DGKI: variants seen among roughly 807,000 people sequenced by gnomAD.
DGKI encodes the protein DAG kinase iota.
DGKI carries 55 observed loss-of-function variants against 147.5 expected under a neutral mutation model. The ratio of observed to expected loss-of-function variants is 0.37; its 90% CI spans 0.30 to 0.47. The LOEUF (loss-of-function observed/expected upper bound fraction) is 0.47, where lower values mean the gene tolerates loss of function less well. Ranked by LOEUF, DGKI falls within the 20% of genes least tolerant of loss-of-function variation. The pLI, the probability that DGKI is intolerant of heterozygous loss-of-function variation, is 1.00. For synonymous variants in DGKI, 469 were observed against 477.1 expected, an observed-to-expected ratio of 0.98 and a Z score of 0.22; for missense variants, 1,007 against 1,323.8, an observed-to-expected ratio of 0.76 and a Z score of 3.71.
intron 28 of DGKI, among the ~76,000 whole-genome samples, chr7:137,428,093 A>C (rs1812898327): frequency 6.8e-6 from 1 of 146,284 alleles, no homozygotes; most frequent in East Asian, 2.0e-4. Flanking sequence ...GCAGAGACAC[A>C]ACCAAAAAAG....
intron 32 of DGKI, among the ~76,000 whole-genome samples, chr7:137,393,664 C>A (rs1269244640): frequency 6.6e-6 from 1 of 152,194 alleles, no homozygotes; most frequent in African/African-American, 2.4e-5. Context: ...ACCTAATTAT[C>A]TGCCATTTGA....
At chr7:137,530,873 G>T (rs1285702974) in intron 20 of DGKI, among the ~76,000 whole-genome samples, 1 of 152,072 alleles carries the variant, frequency 6.6e-6, no homozygotes. Context: ...ATCGAGTTGA[G>T]CCTCTGGCTT....
intron 1 of DGKI, among the ~76,000 whole-genome samples, chr7:137,763,567 T>A (rs1448985548): frequency 1.3e-5 from 2 of 152,262 alleles, no homozygotes; most frequent in African/African-American, 2.4e-5. Context: ...GATTCTCTCA[T>A]CTACAGTGTG....
intron 27 of DGKI, among the ~76,000 whole-genome samples, chr7:137,458,301 G>C (rs916228159): frequency 1.3e-5 from 2 of 152,110 alleles, no homozygotes; most frequent in Admixed American, 6.5e-5. Flanking sequence ...GCAGCTGATC[G>C]GGTACCAGAT....
intron 10 of DGKI, among the ~76,000 whole-genome samples, chr7:137,607,590 T>C (rs760243077): frequency 1.3e-5 from 2 of 152,174 alleles, no homozygotes; most frequent in Non-Finnish European, 2.9e-5. Flanking sequence ...TGGACTGTCA[T>C]GACAAAATAT....
intron 1 of DGKI, among the ~76,000 whole-genome samples, chr7:137,787,374 A>G (rs2116911806): frequency 6.6e-6 from 1 of 152,344 alleles, no homozygotes; most frequent in African/African-American, 2.4e-5. Context: ...AATGCTCAGC[A>G]TCACTAATTA....
chr7:137,737,378 T>C (rs915383905), intron 1 of DGKI, among the ~76,000 whole-genome samples: 1 of 152,076 alleles, frequency 6.6e-6, no homozygotes, highest in Non-Finnish European at 1.5e-5. Flanking sequence ...GAATCTGCAT[T>C]CTATTCATAA....
At chr7:137,702,896 A>T (rs1162012287) in intron 1 of DGKI, among the ~76,000 whole-genome samples, 1 of 152,202 alleles carries the variant, frequency 6.6e-6, no homozygotes, top group Non-Finnish European at 1.5e-5. Context: ...GTGGCCTAAG[A>T]TGATGATAAC....
intron 30 of DGKI, among the ~76,000 whole-genome samples, chr7:137,407,399 G>A (rs547914773): frequency 6.6e-5 from 10 of 152,122 alleles, no homozygotes; most frequent in East Asian, 3.9e-4. Context: ...AGAATAAAGC[G>A]TAACTTGGGT....
chr7:137,545,314 G>A (rs956126168), intron 20 of DGKI, among the ~76,000 whole-genome samples: 3 of 152,156 alleles, frequency 2.0e-5, no homozygotes, highest in African/African-American at 7.2e-5. Flanking sequence ...AAATAATTCT[G>A]AGCTGAAATG....
intron 1 of DGKI, among the ~76,000 whole-genome samples, chr7:137,717,059 C>T (rs536512943): frequency 2.5e-4 from 38 of 152,308 alleles, no homozygotes; most frequent in African/African-American, 9.1e-4. Flanking sequence ...TCTGACCCTT[C>T]TGATTGGATT....
Position 137,397,430 on chromosome 7 carries a change from C to A in DGKI, c.2921-17G>T, listed in dbSNP as rs763040032. ...CGGAAGGTCCTAAATAAGAAGAAAG[C>A]AAGATGACCGTCAAAAATAAGCTCA... On this transcript the variant is annotated splice_polypyrimidine_tract_variant and intron_variant, in intron 30 of 32. Coordinates refer to ENST00000614521, the MANE Select transcript of DGKI (RefSeq NM_001321708.2). 15 of 1,609,532 alleles carry A rather than the reference C, an allele frequency of 9.3e-6. No homozygotes were observed. The highest frequency in any genetic ancestry group is 2.2e-5 in the East Asian group (1 of 44,790).
At chr7:137,709,574 A>T (rs1476785893) in intron 1 of DGKI, among the ~76,000 whole-genome samples, 2 of 152,184 alleles carry the variant, frequency 1.3e-5, no homozygotes, top group Non-Finnish European at 2.9e-5. Context: ...ACAGACTGCA[A>T]TCCAAATACT....
intron 1 of DGKI, among the ~76,000 whole-genome samples, chr7:137,801,065 G>A (rs116882721): frequency 8.0e-4 from 122 of 152,326 alleles, no homozygotes; most frequent in Non-Finnish European, 1.6e-3. Flanking sequence ...TCAGCACTCT[G>A]CAATTTTTCA....
At chr7:137,674,489 G>T (rs1231965533) in intron 3 of DGKI, among the ~76,000 whole-genome samples, 4 of 152,194 alleles carry the variant, frequency 2.6e-5, no homozygotes, top group Admixed American at 6.5e-5. Context: ...TAATGTTACG[G>T]CATCATTATT....
chr7:137,476,225 C>G (rs922780476), intron 23 of DGKI, among the ~76,000 whole-genome samples: 3 of 152,204 alleles, frequency 2.0e-5, no homozygotes, highest in Non-Finnish European at 2.9e-5. Context: ...TCTGCCCTGA[C>G]TCATCTCCAC....
At chr7:137,713,679 T>C (rs1295095598) in intron 1 of DGKI, among the ~76,000 whole-genome samples, 1 of 152,196 alleles carries the variant, frequency 6.6e-6, no homozygotes, top group Non-Finnish European at 1.5e-5. Context: ...TCTCTTTTTG[T>C]CACTCAAGCT....
At chr7:137,617,967 A>C (rs1585291097) in intron 8 of DGKI, among the ~76,000 whole-genome samples, 1 of 150,270 alleles carries the variant, frequency 6.7e-6, no homozygotes, top group East Asian at 2.0e-4. Context: ...AATTTCCATA[A>C]CAAAAAGGGT....
chr7:137,519,891 A>G (rs561068816), intron 21 of DGKI, among the ~76,000 whole-genome samples: 1 of 152,196 alleles, frequency 6.6e-6, no homozygotes, highest in South Asian at 2.1e-4. Context: ...CATTGGAATG[A>G]ATTTTTACAT....
Sources: allele counts gnomAD v4.1 joint callset (sites outside exome capture counted in the v4.1 genomes callset), GRCh38; gene constraint gnomAD v4.1.1; transcripts MANE v1.5; gene names NCBI Gene and HGNC (gene_info 2026-07-23, HGNC 2026-07-21).